ACYP2: variants seen among roughly 807,000 people sequenced by gnomAD.
ACYP2 encodes the protein acylphosphatase-2.
Under a neutral mutation model 11.2 loss-of-function variants are expected in ACYP2, and 12 were observed. The ratio of observed to expected loss-of-function variants is 1.08; its 90% confidence interval spans 0.69 to 1.74. The LOEUF is 1.74. ACYP2 is among the 40% of genes most tolerant of loss of function. The pLI is 0.00. For missense variants in ACYP2, 134 were observed against 101.9 expected, an observed-to-expected ratio of 1.31 and a Z score of -1.35; for synonymous variants, 43 against 32.2, an observed-to-expected ratio of 1.33 and a Z score of -1.13.
At chr2:54,052,898 A>G (rs1675942622) in intron 3 of ACYP2, among the ~76,000 whole-genome samples, 1 of 152,244 alleles carries the variant, frequency 6.6e-6, no homozygotes. Context: ...TGCTTTCCCC[A>G]GAGGGAGAAT....
At chr2:54,162,263 T>C (rs1682750574) in intron 6 of ACYP2, among the ~76,000 whole-genome samples, 1 of 152,240 alleles carries the variant, frequency 6.6e-6, no homozygotes, top group Non-Finnish European at 1.5e-5. Flanking sequence ...TCTCTGAGGA[T>C]ATTATAGCTG....
intron 6 of ACYP2, among the ~76,000 whole-genome samples, chr2:54,167,703 A>G (rs1212034550): frequency 6.6e-6 from 1 of 152,206 alleles, no homozygotes; most frequent in Non-Finnish European, 1.5e-5. Flanking sequence ...TATTTTTTAT[A>G]GCTGTATACT....
chr2:54,273,616 C>CACT (rs1464875292), intron 6 of ACYP2, among the ~76,000 whole-genome samples: 1 of 152,136 alleles, frequency 6.6e-6, no homozygotes, highest in Admixed American at 6.5e-5. Context: ...AGGTGCCCAC[C>CACT]ACTACGCCCA....
chr2:54,165,535 T>TCACACACACA (rs1163844895), intron 6 of ACYP2, among the ~76,000 whole-genome samples: 24 of 128,960 alleles, frequency 1.9e-4, no homozygotes, highest in African/African-American at 3.6e-4. Flanking sequence ...TCTCTCTCTC[T>TCACACACACA]CACACACACA....
chr2:54,213,765 A>C (rs1572944106), intron 6 of ACYP2, among the ~76,000 whole-genome samples: 12 of 140,764 alleles, frequency 8.5e-5, no homozygotes, highest in African/African-American at 2.8e-4. Context: ...CCCACCCCAC[A>C]CCCCCTACTT....
chr2:54,004,909 A>AAAAC lies in ACYP2; in HGVS notation c.62+31102_62+31103insCAAA, dbSNP rs1553352354. Among the ~76,000 whole-genome samples, 1,277 of 140,354 alleles carry AAAAC rather than the reference A, an allele frequency of 9.1e-3. 47 individuals carry two copies. Among genetic ancestry groups the AAAAC allele is most frequent in the African/African-American group, 0.031 (1,189 of 37,780 alleles). The allele number at this position is 140,354 out of a possible 152,430, so 92.1% of individuals were successfully genotyped here. A position where few individuals can be genotyped will look rare whatever the true frequency, so the allele number is the denominator to read the frequency against. ...GACTCTGTCTCAAAAAAAAAAAAAA[A>AAAAC]AAAAAACAAAAGAAAGAAAAGAAAA... On this transcript the variant is annotated intron_variant, in intron 2 of 6. Coordinates refer to ENST00000607452, the MANE Select transcript of ACYP2 (RefSeq NM_001320586.2).
intron 6 of ACYP2, chr2:54,253,939 CTTT>C (rs3832034): frequency 0.14 from 21,725 of 151,958 alleles, 1,526 homozygotes; most frequent in African/African-American, 0.17. Flanking sequence ...TGAACTACTA[CTTT>C]TGTTTTTTTT....
chr2:53,979,116 G>A (rs1341140467), intron 2 of ACYP2, among the ~76,000 whole-genome samples: 2 of 151,708 alleles, frequency 1.3e-5, no homozygotes, highest in African/African-American at 2.4e-5. Context: ...GTAGGGATTC[G>A]AGAAGGCATT....
At chr2:54,061,625 C>T (rs1322773811) in intron 4 of ACYP2, among the ~76,000 whole-genome samples, 3 of 152,176 alleles carry the variant, frequency 2.0e-5, no homozygotes, top group Non-Finnish European at 4.4e-5. Context: ...TTGGTTAGTT[C>T]ATGAAATTTA....
intron 3 of ACYP2, chr2:54,051,408 C>T (rs1480900973): frequency 1.4e-6 from 1 of 724,080 alleles, no homozygotes; most frequent in East Asian, 2.5e-5. Flanking sequence ...TAGAGAAGGC[C>T]CATTATGAAA....
At chr2:53,999,763 G>A (rs554496599) in intron 2 of ACYP2, among the ~76,000 whole-genome samples, 47 of 152,156 alleles carry the variant, frequency 3.1e-4, no homozygotes, top group African/African-American at 1.0e-3. Flanking sequence ...GCAATGAGAC[G>A]ACCTGGCACC....
At chr2:54,155,428 A>G (rs1375469658) in intron 6 of ACYP2, among the ~76,000 whole-genome samples, 2 of 152,158 alleles carry the variant, frequency 1.3e-5, no homozygotes, top group African/African-American at 2.4e-5. Flanking sequence ...GGGGTCCCCA[A>G]CCCTTGTGAC....
intron 6 of ACYP2, among the ~76,000 whole-genome samples, chr2:54,207,169 GTA>G (rs200272987): frequency 2.2e-4 from 31 of 139,562 alleles, no homozygotes; most frequent in African/African-American, 6.3e-4. Flanking sequence ...TATACAACAT[GTA>G]TATGTGTGTG....
chr2:54,266,590 CTTTTTTTTTTTTTTTTTTTTT>C (rs138812389), intron 6 of ACYP2, among the ~76,000 whole-genome samples: 36 of 52,278 alleles, frequency 6.9e-4, no homozygotes, highest in African/African-American at 2.6e-3. Flanking sequence ...ATCTATCTAT[CTTTTTTTTTTTTTTTTTTTTT>C]TTTTTTTTTT....
intron 6 of ACYP2, among the ~76,000 whole-genome samples, chr2:54,228,719 A>G (rs1228371300): frequency 6.6e-6 from 1 of 152,106 alleles, no homozygotes; most frequent in African/African-American, 2.4e-5. Context: ...AAGAAAAAAA[A>G]GGAAGGAAGG....
intron 6 of ACYP2, among the ~76,000 whole-genome samples, chr2:54,190,276 T>A (rs1003209057): frequency 2.0e-5 from 3 of 152,082 alleles, no homozygotes; most frequent in Admixed American, 1.3e-4. Context: ...TCCAGTCTCA[T>A]CCTTTAAAAC....
At chr2:54,015,293 T>C (rs972009569) in intron 2 of ACYP2, among the ~76,000 whole-genome samples, 22 of 149,290 alleles carry the variant, frequency 1.5e-4, no homozygotes, top group Non-Finnish European at 2.7e-4. Flanking sequence ...GAGCAGATCA[T>C]GTGAGGACGG....
intron 6 of ACYP2, among the ~76,000 whole-genome samples, chr2:54,277,271 C>G (rs1688637496): frequency 6.6e-6 from 1 of 152,212 alleles, no homozygotes; most frequent in Admixed American, 6.5e-5. Context: ...AACTCTCCCT[C>G]CTTCCTTTTC....
chr2:54,004,753 T>G (rs111791945), intron 2 of ACYP2, among the ~76,000 whole-genome samples: 31 of 151,742 alleles, frequency 2.0e-4, no homozygotes, highest in Non-Finnish European at 4.0e-4. Context: ...TTTCTTATTA[T>G]TGAGCTTTAA....
Sources: allele counts gnomAD v4.1 joint callset (sites outside exome capture counted in the v4.1 genomes callset), GRCh38; gene constraint gnomAD v4.1.1; transcripts MANE v1.5; gene names NCBI Gene and HGNC (gene_info 2026-07-23, HGNC 2026-07-21).